Variants in ARIH2 observed in about 807,000 individuals in gnomAD.
ARIH2 encodes the protein ariadne RBR E3 ubiquitin protein ligase 2.
Under a neutral mutation model 79.8 loss-of-function variants are expected in ARIH2, and 12 were observed. The ratio of observed to expected loss-of-function variants is 0.15; its 90% CI spans 0.10 to 0.24. ARIH2 has a LOEUF of 0.24. Ranked by LOEUF, ARIH2 falls within the 10% of genes least tolerant of loss-of-function variation. The pLI, the probability that ARIH2 is intolerant of heterozygous loss-of-function variation, is 1.00. For missense variants in ARIH2, 301 were observed against 618.3 expected (o/e 0.49, Z 5.44); for synonymous variants, 224 against 213.9 (o/e 1.05, Z -0.41).
intron 11 of ARIH2, 98 bp downstream of exon 11, chr3:48,975,077 A>G: frequency 6.3e-7 from 1 of 1,590,786 alleles, no homozygotes. Flanking sequence ...AAATGACAAA[A>G]CATAGAAGAA....
chr3:48,983,072 T>C (rs2092808156), intron 15 of ARIH2, 93 bp downstream of exon 15: 8 of 1,498,300 alleles, frequency 5.3e-6, no homozygotes, highest in Admixed American at 1.7e-5. Flanking sequence ...CACTGGTAGC[T>C]GCTGCTAAGA....
chr3:48,978,421 A>G (rs7372487), intron 11 of ARIH2, among the ~76,000 whole-genome samples: 5,512 of 55,782 alleles, frequency 0.099, 380 homozygotes, highest in East Asian at 0.31. Flanking sequence ...TAATTTGTGT[A>G]TGTGTGTGTG....
At chr3:48,955,854 G>A (rs1380752090) in intron 3 of ARIH2, among the ~76,000 whole-genome samples, 2 of 152,178 alleles carry the variant, frequency 1.3e-5, no homozygotes, top group African/African-American at 4.8e-5. Flanking sequence ...CCAAATCAGG[G>A]AGAAGGTAGC....
chr3:48,981,226 G>C (rs1356465792), intron 13 of ARIH2, among the ~76,000 whole-genome samples: 1 of 151,762 alleles, frequency 6.6e-6, no homozygotes, highest in East Asian at 1.9e-4. Flanking sequence ...TGGCTACTTG[G>C]AAGGCTGAGG....
chr3:48,944,559 G>A (rs1318678806), intron 3 of ARIH2, among the ~76,000 whole-genome samples: 1 of 152,132 alleles, frequency 6.6e-6, no homozygotes, highest in Non-Finnish European at 1.5e-5. Flanking sequence ...AAAGAAAAGT[G>A]GAATGGGCAA....
At chr3:48,960,723 C>G (rs2091160797) in intron 3 of ARIH2, among the ~76,000 whole-genome samples, 1 of 150,312 alleles carries the variant, frequency 6.7e-6, no homozygotes, top group African/African-American at 2.5e-5. Context: ...GAGGTCATGC[C>G]ACTGCACTCC....
chr3:48,968,613 G>A lies in ARIH2; in HGVS notation c.618G>A (p.Leu206=), dbSNP rs1356114882. Residue 206 remains leucine, a synonymous_variant, in exon 7 of 16, where the codon TTG becomes TTA. Coordinates refer to ENST00000356401, the MANE Select transcript of ARIH2 (RefSeq NM_006321.4). ...TTCCATTGCTTCCCAATGAAGAATTGAGAGAGAAATACAGGCGCTACCTCT... is the reference window on the plus strand; with the variant it reads ...TTCCATTGCTTCCCAATGAAGAATTAAGAGAGAAATACAGGCGCTACCTCT... The part of the protein sequence containing the change: ...FVFPLLPNEE[L]REKYRRYLFR... 1 of 1,611,582 alleles carries A rather than the reference G, an allele frequency of 6.2e-7. No individual in the cohort carries two copies. Among genetic ancestry groups the A allele is most frequent in the Non-Finnish European group, 8.5e-7 (1 of 1,178,214 alleles).
rs189632207 is a variant in ARIH2 at position 48,931,504 on chromosome 3, G to A, written c.255+3691G>A. On this transcript the variant is annotated intron_variant, in intron 3 of 15. Coordinates refer to ENST00000356401, the MANE Select transcript of ARIH2 (RefSeq NM_006321.4). ...GCAGAGGTTGCAGTGAGATGAGATC[G>A]CACCACTGCACTCCAGCCTGGGCAA... is the stretch of plus-strand genomic sequence containing the variant. 1.4e-3 allele frequency among the ~76,000 whole-genome samples: 218 copies of A among 151,222 alleles called. 1 individual carries two copies. The highest frequency in any genetic ancestry group is 5.0e-3 in the African/African-American group (204 of 41,154).
intron 8 of ARIH2, chr3:48,970,914 C>T (rs753773322): frequency 3.9e-5 from 18 of 464,136 alleles, no homozygotes; most frequent in Non-Finnish European, 6.3e-5. Flanking sequence ...AAGGAAGTGA[C>T]ACAGGTTCTT....
intron 3 of ARIH2, among the ~76,000 whole-genome samples, chr3:48,936,412 C>G (rs1003816783): frequency 2.0e-5 from 3 of 152,202 alleles, no homozygotes; most frequent in Non-Finnish European, 4.4e-5. Flanking sequence ...AAACTTTAAA[C>G]TTTTATAAAG....
At chr3:48,939,791 CAAAAA>C (rs1172938316) in intron 3 of ARIH2, among the ~76,000 whole-genome samples, 3 of 127,428 alleles carry the variant, frequency 2.4e-5, no homozygotes, top group African/African-American at 5.7e-5. Context: ...AACAAAAAAA[CAAAAA>C]AAAAAACTGA....
At chr3:48,980,268 G>A in intron 12 of ARIH2, 85 bp from the exon 13 acceptor site, 2 of 1,421,198 alleles carry the variant, frequency 1.4e-6, no homozygotes. Flanking sequence ...TGTCCTGCCA[G>A]CAAGGTGTCT....
Position 48,974,958 on chromosome 3 carries a change from C to A in ARIH2, c.940C>A (p.Gln314Lys). 6.2e-7 allele frequency: 1 copy of A among 1,614,204 alleles called. No individual in the cohort carries two copies. Among genetic ancestry groups the A allele is most frequent in the Non-Finnish European group, 8.5e-7 (1 of 1,180,044 alleles). Residue 314 changes from glutamine (Q) to lysine (K), a missense_variant and splice_region_variant, in exon 11 of 16, where the codon CAA becomes AAA. Gln to Lys is a moderately conservative substitution (Grantham distance 53). Transcript: ENST00000356401. ...GTTTTCTTCTGTTTCCCTCTGACAG[C>A]AATGCTCCAAATGTAAACACGGTGA... ...IEKNGGCNHM[Q>K]CSKCKHDFCW...
chr3:48,920,737 G>A (rs2084704189), intron 1 of ARIH2, among the ~76,000 whole-genome samples: 1 of 70,148 alleles, frequency 1.4e-5, no homozygotes, highest in African/African-American at 4.5e-5. Context: ...CGAGGCGGGC[G>A]GATCACGAGG....
chr3:48,927,848 C>T (rs1469318405), intron 3 of ARIH2, 35 bp downstream of exon 3: 1 of 1,602,782 alleles, frequency 6.2e-7, no homozygotes, highest in Non-Finnish European at 8.5e-7. Context: ...GTAATCCCCC[C>T]CAGTTAAATC....
intron 1 of ARIH2, among the ~76,000 whole-genome samples, chr3:48,919,607 C>T (rs2084482525): frequency 6.6e-6 from 1 of 152,248 alleles, no homozygotes; most frequent in African/African-American, 2.4e-5. Context: ...ATGGTAGCTA[C>T]TAGCCACACG....
At chr3:48,940,196 A>G (rs2087879956) in intron 3 of ARIH2, among the ~76,000 whole-genome samples, 1 of 151,130 alleles carries the variant, frequency 6.6e-6, no homozygotes, top group South Asian at 2.1e-4. Context: ...ACAGAGCGAG[A>G]CTCCGTCTCA....
At chr3:48,933,680 G>A (rs2086713755) in intron 3 of ARIH2, among the ~76,000 whole-genome samples, 1 of 151,252 alleles carries the variant, frequency 6.6e-6, no homozygotes, top group Non-Finnish European at 1.5e-5. Flanking sequence ...CTCCCAAGTA[G>A]CTGGGACTAC....
intron 9 of ARIH2, 103 bp downstream of exon 9, chr3:48,973,919 G>A (rs775615560): frequency 2.3e-6 from 2 of 866,452 alleles, no homozygotes; most frequent in Non-Finnish European, 3.7e-6. Context: ...CAGAGCCCCA[G>A]GACCCTTCCT....
Sources: allele counts gnomAD v4.1 joint callset (sites outside exome capture counted in the v4.1 genomes callset), GRCh38; gene constraint gnomAD v4.1.1; transcripts MANE v1.5; gene names NCBI Gene and HGNC (gene_info 2026-07-23, HGNC 2026-07-21).